LPA: variants seen among roughly 807,000 people sequenced by gnomAD.
The protein encoded by LPA is apolipoprotein(a).
In LPA, 199 loss-of-function variants were observed where a neutral mutation model predicts 197.9. The observed-to-expected ratio is 1.01, with a 90% CI of 0.90 to 1.13. The LOEUF (loss-of-function observed/expected upper bound fraction) is 1.13, where lower values mean the gene tolerates loss of function less well. LPA is among the 50% of genes most tolerant of loss of function. The pLI, the probability that LPA is intolerant of heterozygous loss-of-function variation, is 0.00. For synonymous variants in LPA, 715 were observed against 639.5 expected, an observed-to-expected ratio of 1.12 and a Z score of -1.78; for missense variants, 1,853 against 1,785.8, an observed-to-expected ratio of 1.04 and a Z score of -0.68.
chr6:160,585,183 C>A lies in LPA; in HGVS notation c.4152G>T (p.Gly1384=), dbSNP rs764191464. ...SEEAPTENST[G]VQDCYRGDGQ... is the part of the protein sequence containing the mutation. Reference sequence around the variant, plus strand: ...CATCACCTCGGTAGCAGTCCTGGACCCCAGTGCTGTTTTCAGTTGGTGCTG... The same window carrying A: ...CATCACCTCGGTAGCAGTCCTGGACACCAGTGCTGTTTTCAGTTGGTGCTG... Residue 1384 remains glycine, a synonymous_variant, in exon 26 of 39, where the codon GGG becomes GGT. Coordinates refer to ENST00000316300, the MANE Select transcript of LPA (RefSeq NM_005577.4). 11 of 1,613,412 alleles carry A rather than the reference C, an allele frequency of 6.8e-6. No individual in the cohort carries two copies. The highest frequency in any genetic ancestry group is 9.3e-6 in the Non-Finnish European group (11 of 1,179,786).
At chr6:160,579,107 T>C (rs1346992734) in intron 26 of LPA, among the ~76,000 whole-genome samples, 1 of 152,052 alleles carries the variant, frequency 6.6e-6, no homozygotes, top group African/African-American at 2.4e-5. Context: ...GCTCTTTGTC[T>C]CTCTCTCTAT....
chr6:160,607,023 T>C (rs1259312008), intron 16 of LPA, among the ~76,000 whole-genome samples: 2 of 152,108 alleles, frequency 1.3e-5, no homozygotes, highest in African/African-American at 4.8e-5. Context: ...GAATCGTTTA[T>C]TCACATACAA....
At chr6:160,587,600 A>G (rs6917128) in intron 24 of LPA, among the ~76,000 whole-genome samples, 9,197 of 152,102 alleles carry the variant, frequency 0.06, 957 homozygotes, top group African/African-American at 0.21. Flanking sequence ...TTTTCTGTAT[A>G]TTTGGCGTGT....
chr6:160,569,522 A>G (rs1778524012), intron 28 of LPA, among the ~76,000 whole-genome samples: 1 of 152,042 alleles, frequency 6.6e-6, no homozygotes, highest in African/African-American at 2.4e-5. Flanking sequence ...CTAAAACCAT[A>G]TAAACCCTAG....
At chr6:160,534,947 GTGATGGTGGTGCTGGTGA>G (rs371144511) in intron 37 of LPA, among the ~76,000 whole-genome samples, 1,615 of 151,222 alleles carry the variant, frequency 0.011, 24 homozygotes, top group African/African-American at 0.037. Flanking sequence ...GATGGTGATG[GTGATGGTGGTGCTGGTGA>G]TGATGGTGGT....
chr6:160,589,654 A>C lies in LPA; in HGVS notation c.3846T>G (p.Tyr1282Ter), dbSNP rs1419694185. 3.1e-6 allele frequency: 5 copies of C among 1,613,862 alleles called. No homozygotes were observed. The Admixed American group carries it at 5.0e-5, about 16-fold the overall frequency. Residue 1282 changes from tyrosine to a stop codon, truncating the protein, a stop_gained, in exon 24 of 39, where the codon TAT (tyrosine) becomes TAG (stop). Transcript: ENST00000316300. LOFTEE classifies it high-confidence loss of function. Reference sequence around the variant, plus strand: ...TAACAGTGGTGGAGAATGAGCCTCGATAACTCTGTCCATCACCATGGTAGC... The same window carrying C: ...TAACAGTGGTGGAGAATGAGCCTCGCTAACTCTGTCCATCACCATGGTAGC... ...QDCYHGDGQS[Y>*]RGSFSTTVTG...
intron 28 of LPA, among the ~76,000 whole-genome samples, chr6:160,567,424 T>TA (rs1199536665): frequency 1.3e-5 from 2 of 152,158 alleles, no homozygotes; most frequent in Non-Finnish European, 2.9e-5. Flanking sequence ...AAGGCAGAAA[T>TA]AAAGATATTC....
chr6:160,550,929 C>A (rs1249601286), intron 30 of LPA, among the ~76,000 whole-genome samples: 1 of 152,090 alleles, frequency 6.6e-6, no homozygotes, highest in African/African-American at 2.4e-5. Flanking sequence ...ATTATTTATT[C>A]ATTTTCTTAT....
In LPA at chr6:160,646,212, ACC is replaced by A; in HGVS notation, c.391_391+1del. Reference sequence around the variant, plus strand: ...GTAGATGTCTGGCCACAGACTCCTTACCTTGTTCGGAAGGAGCCTCTAGGCTT... The same window carrying A: ...GTAGATGTCTGGCCACAGACTCCTTATTGTTCGGAAGGAGCCTCTAGGCTT... On this transcript the variant is annotated splice_donor_variant and coding_sequence_variant, in exon 3 of 39. Coordinates refer to ENST00000316300, the MANE Select transcript of LPA (RefSeq NM_005577.4). LOFTEE classifies it high-confidence loss of function. 1.3e-4 allele frequency: 1 copy of A among 7,810 alleles called. No homozygotes were observed. Among genetic ancestry groups the A allele is most frequent in the South Asian group, 7.9e-4 (1 of 1,262 alleles). The allele number at this position is 7,810 out of a possible 1,614,324, so 0.5% of individuals were successfully genotyped here.
intron 38 of LPA, 120 bp from the exon 39 acceptor site, chr6:160,532,010 T>TA: frequency 6.2e-6 from 7 of 1,127,436 alleles, no homozygotes; most frequent in Non-Finnish European, 9.3e-6. Flanking sequence ...GAAAGGAACT[T>TA]ATGAGCATAT....
rs1476284332 is a variant in LPA, at chr6:160,557,523, G to A, written c.4680C>T (p.Pro1560=). The A allele has an allele frequency of 6.2e-6, 10 of 1,614,048 alleles. No individual in the cohort carries two copies. The highest frequency in any genetic ancestry group is 2.2e-5 in the South Asian group (2 of 91,058). The change falls in exon 29 of 39, where the codon CCC becomes CCT. Residue 1560 remains proline, a synonymous_variant. Transcript: ENST00000316300. ...YCRNPDSGKQ[P]WCYTTDPCVR... ...CACACGGATCGGTTGTGTAACACCA[G>A]GGTTGTTTCCCAGAATCTGGATTCC...
At chr6:160,593,015 A>T (rs1779059473) in intron 22 of LPA, among the ~76,000 whole-genome samples, 2 of 152,164 alleles carry the variant, frequency 1.3e-5, no homozygotes, top group South Asian at 2.1e-4. Flanking sequence ...GTGCATACGC[A>T]GCTTTGTATT....
At chr6:160,552,534 A>G (rs1562318745) in intron 30 of LPA, among the ~76,000 whole-genome samples, 1 of 152,200 alleles carries the variant, frequency 6.6e-6, no homozygotes, top group Admixed American at 6.5e-5. Flanking sequence ...AATTTTCCAA[A>G]GGATCATAGC....
chr6:160,536,052 G>A lies in LPA; in HGVS notation c.5842+1803C>T, dbSNP rs41266364. On this transcript the variant is annotated intron_variant, in intron 37 of 38. Coordinates refer to ENST00000316300, the MANE Select transcript of LPA (RefSeq NM_005577.4). ...CATGGAACAATTGGTGCAGGTCAGA[G>A]CCAGTCAGTGATGGGTTCAGGGGCA... Among the ~76,000 whole-genome samples the A allele has an allele frequency of 8.9e-3, 1,349 of 152,300 alleles. 21 individuals carry two copies. The highest frequency in any genetic ancestry group is 0.03 in the African/African-American group (1,253 of 41,560).
chr6:160,590,013 C>T (rs1583601492), intron 23 of LPA, among the ~76,000 whole-genome samples: 1 of 152,188 alleles, frequency 6.6e-6, no homozygotes, highest in Non-Finnish European at 1.5e-5. Context: ...TTTGGGTGTT[C>T]CTGAGAACAA....
chr6:160,610,637 A>G (rs546319344), intron 16 of LPA, among the ~76,000 whole-genome samples: 36 of 152,132 alleles, frequency 2.4e-4, no homozygotes, highest in African/African-American at 8.5e-4. Flanking sequence ...GCGTATTTGT[A>G]GAGCTCCTTT....
chr6:160,578,550 G>A lies in LPA; in HGVS notation c.4444C>T (p.Pro1482Ser). 1.9e-6 allele frequency: 3 copies of A among 1,613,850 alleles called. No individual in the cohort carries two copies. Among genetic ancestry groups the A allele is most frequent in the Non-Finnish European group, 8.5e-7 (1 of 1,179,778 alleles). The change falls in exon 27 of 39, where the codon CCA (proline) becomes TCA (serine). Residue 1482 changes from proline (P) to serine (S), a missense_variant. Coordinates refer to ENST00000316300, the MANE Select transcript of LPA (RefSeq NM_005577.4). ...VLTTPTVAPV[P>S]STEAPSEQAP... ...TGTTCAGAAGGAGCCTCTGTGCTTG[G>A]AACCGGGGCCACTGTGGGAGTTGTG...
intron 28 of LPA, among the ~76,000 whole-genome samples, chr6:160,574,359 C>T (rs897469081): frequency 1.3e-5 from 2 of 152,150 alleles, no homozygotes; most frequent in African/African-American, 4.8e-5. Flanking sequence ...GGCTTTAGTC[C>T]TTCCCCCACC....
chr6:160,603,568 T>G (rs1779286738), intron 18 of LPA, among the ~76,000 whole-genome samples: 1 of 152,190 alleles, frequency 6.6e-6, no homozygotes, highest in South Asian at 2.1e-4. Flanking sequence ...ATGTCAAATT[T>G]TTTGCCATTC....
Sources: gnomAD v4.1 joint callset for allele counts (sites outside exome capture counted in the v4.1 genomes callset) on GRCh38, gnomAD v4.1.1 for gene constraint, MANE v1.5 for transcripts, NCBI Gene and HGNC (gene_info 2026-07-23, HGNC 2026-07-21) for gene names.